The following DIS3L2 variants were observed in gnomAD, a reference collection of about 807,000 sequenced individuals.
The protein encoded by DIS3L2 is DIS3 like 3'-5' exoribonuclease 2.
A neutral mutation model predicts 97.5 loss-of-function variants in DIS3L2; 34 were observed. That is an observed-to-expected ratio of 0.35 (90% CI 0.27 to 0.46). The LOEUF is 0.46. Ranked by LOEUF, DIS3L2 falls within the 20% of genes least tolerant of loss-of-function variation. The pLI is 1.00. For synonymous variants in DIS3L2, 435 were observed against 445.2 expected (o/e 0.98, Z 0.29); for missense variants, 1,038 against 1,146.0 (o/e 0.91, Z 1.36).
chr2:232,190,379 G>A (rs145021818), intron 9 of DIS3L2, among the ~76,000 whole-genome samples: 71 of 152,252 alleles, frequency 4.7e-4, no homozygotes, highest in African/African-American at 1.5e-3. Context: ...CTCATGCTCC[G>A]AGAAAACCTC....
At chr2:232,309,080 G>A (rs969086890) in intron 14 of DIS3L2, among the ~76,000 whole-genome samples, 9 of 152,180 alleles carry the variant, frequency 5.9e-5, no homozygotes, top group Non-Finnish European at 1.2e-4. Flanking sequence ...GCATCCCAGG[G>A]CTTTCCCGTG....
intron 5 of DIS3L2, among the ~76,000 whole-genome samples, chr2:232,066,982 C>G (rs968747970): frequency 6.6e-6 from 1 of 152,098 alleles, no homozygotes; most frequent in East Asian, 1.9e-4. Flanking sequence ...ATGATTGCCC[C>G]TCTTTAATTT....
At chr2:232,006,760 T>C (rs999772373) in intron 1 of DIS3L2, among the ~76,000 whole-genome samples, 1 of 152,006 alleles carries the variant, frequency 6.6e-6, no homozygotes, top group East Asian at 1.9e-4. Flanking sequence ...CTGTGAATTG[T>C]AGAGAGAGAA....
chr2:232,101,684 C>G (rs1378414377), intron 6 of DIS3L2, among the ~76,000 whole-genome samples: 2 of 152,206 alleles, frequency 1.3e-5, no homozygotes, highest in African/African-American at 2.4e-5. Context: ...TGGAATAGGG[C>G]TAAGCATTGG....
At chr2:232,277,838 A>G (rs1225371985) in intron 13 of DIS3L2, among the ~76,000 whole-genome samples, 1 of 152,206 alleles carries the variant, frequency 6.6e-6, no homozygotes, top group Non-Finnish European at 1.5e-5. Context: ...TGCTGCTCCT[A>G]GTCTACAGAC....
rs1162920336 is a variant in DIS3L2, at chr2:232,325,138, C to T, written c.1740-4675C>T. 1.3e-5 allele frequency among the ~76,000 whole-genome samples: 2 copies of T among 152,218 alleles called. No individual in the cohort carries two copies. Among genetic ancestry groups the T allele is most frequent in the East Asian group, 3.9e-4 (2 of 5,184 alleles). ...CTCATCTCATCACCTCTGAGCCCTGCCAGGGTGAGAGCAGCCTTTCCCAGC... is the reference window on the plus strand; with the variant it reads ...CTCATCTCATCACCTCTGAGCCCTGTCAGGGTGAGAGCAGCCTTTCCCAGC... On this transcript the variant is annotated intron_variant, in intron 14 of 20. Coordinates refer to ENST00000325385, the MANE Select transcript of DIS3L2 (RefSeq NM_152383.5). This position sits in a 1 kb window ranked among gnomAD's most constrained non-coding sequence, Gnocchi z 4.6.
At position 232,037,737 on chromosome 2, in the gene DIS3L2, T is replaced by C. The variant is rs752631449; in HGVS notation, c.366+7657T>C. On this transcript the variant is annotated intron_variant, in intron 5 of 20. Transcript: ENST00000325385. The surrounding 1 kb of genome is among the most constrained non-coding windows in gnomAD (Gnocchi z 4.6). The stretch of plus-strand genomic sequence containing the variant: ...GAAAAGCATAATATCTGGGCCAGAG[T>C]GCAATGTTCCTCACAGCACAGTCCC... Among the ~76,000 whole-genome samples, 5 of 151,990 alleles carry C rather than the reference T, an allele frequency of 3.3e-5. No individual in the cohort carries two copies. Among genetic ancestry groups the C allele is most frequent in the Non-Finnish European group, 7.4e-5 (5 of 67,976 alleles).
At chr2:232,082,561 C>G (rs1429313084) in intron 5 of DIS3L2, among the ~76,000 whole-genome samples, 1 of 152,170 alleles carries the variant, frequency 6.6e-6, no homozygotes, top group African/African-American at 2.4e-5. Flanking sequence ...GGAGCAGTTT[C>G]ATCCCGTAAC....
intron 3 of DIS3L2, 35 bp from the exon 4 acceptor site, chr2:232,024,242 C>T (rs1176640724): frequency 6.8e-6 from 10 of 1,478,396 alleles, no homozygotes; most frequent in Non-Finnish European, 7.4e-6. Context: ...AAATATATAG[C>T]TAGATTTTCA....
intron 4 of DIS3L2, among the ~76,000 whole-genome samples, chr2:232,025,016 A>G (rs982141432): frequency 2.0e-5 from 3 of 152,214 alleles, no homozygotes; most frequent in Admixed American, 6.5e-5. Flanking sequence ...TAGAATAGCT[A>G]TAGAATCACA....
At chr2:232,197,304 C>T (rs1424671093) in intron 9 of DIS3L2, among the ~76,000 whole-genome samples, 1 of 152,162 alleles carries the variant, frequency 6.6e-6, no homozygotes, top group East Asian at 1.9e-4. Context: ...TTTATTTTTA[C>T]ATATTAACTA....
chr2:232,194,556 C>T (rs1197148267), intron 9 of DIS3L2, among the ~76,000 whole-genome samples: 1 of 152,064 alleles, frequency 6.6e-6, no homozygotes, highest in Non-Finnish European at 1.5e-5. Context: ...TAGCTAGAAG[C>T]CAGTGAAGGT....
intron 1 of DIS3L2, among the ~76,000 whole-genome samples, chr2:231,970,108 T>G (rs1692852894): frequency 6.6e-6 from 1 of 152,038 alleles, no homozygotes; most frequent in African/African-American, 2.4e-5. Context: ...GGCTGATTTT[T>G]TTTTGTTTGT....
At chr2:232,340,480 C>A (rs1234900882), downstream of DIS3L2, among the ~76,000 whole-genome samples, 1 of 152,180 alleles carries the variant, frequency 6.6e-6, no homozygotes. Context: ...TACTGGTCGG[C>A]CCTGGAGAGC....
intron 14 of DIS3L2, 26 bp from the exon 15 acceptor site, chr2:232,329,787 C>CCAAGCCAAA: frequency 9.4e-7 from 1 of 1,062,210 alleles, no homozygotes; most frequent in Non-Finnish European, 1.3e-6. Flanking sequence ...CCCAGCGGTC[C>CCAAGCCAAA]CTCCCATCCC....
intron 4 of DIS3L2, among the ~76,000 whole-genome samples, chr2:232,026,435 TCAGTGAGGG>T (rs1694658354): frequency 6.6e-6 from 1 of 152,078 alleles, no homozygotes; most frequent in African/African-American, 2.4e-5. Flanking sequence ...TCCCTTGCAT[TCAGTGAGGG>T]CCCTTTCATG....
chr2:232,129,817 C>T (rs1396458696), intron 6 of DIS3L2, among the ~76,000 whole-genome samples: 2 of 152,108 alleles, frequency 1.3e-5, no homozygotes, highest in Admixed American at 1.3e-4. Context: ...TGGTTGTGAC[C>T]CCTAGAATCC....
chr2:231,986,091 T>C (rs1485991616), intron 1 of DIS3L2, among the ~76,000 whole-genome samples: 1 of 152,248 alleles, frequency 6.6e-6, no homozygotes, highest in Non-Finnish European at 1.5e-5. Context: ...GCCTTTGCAC[T>C]CTTGTACTTA....
At chr2:232,283,913 A>G (rs1323028558) in intron 13 of DIS3L2, among the ~76,000 whole-genome samples, 1 of 152,204 alleles carries the variant, frequency 6.6e-6, no homozygotes, top group East Asian at 1.9e-4. Flanking sequence ...CACACCCATT[A>G]TGCCAATGTC....
Sources: gnomAD v4.1 joint callset for allele counts (sites outside exome capture counted in the v4.1 genomes callset) on GRCh38, gnomAD v4.1.1 for gene constraint, Gnocchi (gnomAD v3.1) non-coding constraint, MANE v1.5 for transcripts, NCBI Gene and HGNC (gene_info 2026-07-23, HGNC 2026-07-21) for gene names.